SHISA9: variants seen among roughly 807,000 people sequenced by gnomAD.
SHISA9 encodes the protein protein shisa-9.
SHISA9 carries 13 observed loss-of-function variants against 38.0 expected under a neutral mutation model. The ratio of observed to expected loss-of-function variants is 0.34; its 90% CI spans 0.22 to 0.54. The LOEUF is 0.54. Ranked by LOEUF, SHISA9 falls within the 20% of genes least tolerant of loss-of-function variation. The pLI is 0.91. For synonymous variants in SHISA9, 275 were observed against 242.0 expected (o/e 1.14, Z -1.27); for missense variants, 538 against 575.8 (o/e 0.93, Z 0.67).
chr16:13,523,254 G>T, the SHISA9 span, among the ~76,000 whole-genome samples: 1 of 152,168 alleles, frequency 6.6e-6, no homozygotes, highest in African/African-American at 2.4e-5. Context: ...GGAGGCTGAG[G>T]CATGAGAATC....
chr16:13,112,985 A>G (rs1039650682), intron 2 of SHISA9, among the ~76,000 whole-genome samples: 4 of 152,052 alleles, frequency 2.6e-5, no homozygotes, highest in African/African-American at 7.2e-5. Flanking sequence ...CAAGGCAGGC[A>G]GATCACTTGA....
chr16:13,460,475 A>T, the SHISA9 span, among the ~76,000 whole-genome samples: 1 of 152,148 alleles, frequency 6.6e-6, no homozygotes, highest in South Asian at 2.1e-4. Flanking sequence ...GAGTTGACAA[A>T]TGTCCCACAG....
the SHISA9 span, among the ~76,000 whole-genome samples, chr16:13,502,001 CAAA>C: frequency 7.7e-6 from 1 of 129,104 alleles, no homozygotes; most frequent in Non-Finnish European, 1.6e-5. Flanking sequence ...AACTCCGTAT[CAAA>C]AAAAAAAAAA....
At chr16:13,056,973 C>G (rs1339959481) in intron 2 of SHISA9, among the ~76,000 whole-genome samples, 1 of 152,160 alleles carries the variant, frequency 6.6e-6, no homozygotes, top group South Asian at 2.1e-4. Context: ...AACACAGGCT[C>G]TGTGGTATGT....
At chr16:12,992,696 A>G (rs1413838657) in intron 2 of SHISA9, among the ~76,000 whole-genome samples, 3 of 152,186 alleles carry the variant, frequency 2.0e-5, no homozygotes, top group Non-Finnish European at 2.9e-5. Context: ...ATTTTATTAC[A>G]GAGTTTTCTT....
rs79820482 is a variant in SHISA9, at chr16:12,907,552, G to A, written c.563+4925G>A. ...TCCATTATCACACCCAGGAAAAAGAGCAAAAATCCCGTAATATCATCAGAC... is the reference window on the plus strand; with the variant it reads ...TCCATTATCACACCCAGGAAAAAGAACAAAAATCCCGTAATATCATCAGAC... On this transcript the variant is annotated intron_variant, in intron 1 of 4. Coordinates refer to ENST00000558583, the MANE Select transcript of SHISA9 (RefSeq NM_001145204.3). Among the ~76,000 whole-genome samples the A allele has an allele frequency of 9.2e-3, 1,394 of 152,184 alleles. 23 individuals are homozygous for A. The highest frequency in any genetic ancestry group is 0.032 in the African/African-American group (1,319 of 41,522).
chr16:13,252,481 T>C, the SHISA9 span, among the ~76,000 whole-genome samples: 18 of 152,322 alleles, frequency 1.2e-4, no homozygotes, highest in African/African-American at 3.4e-4. Flanking sequence ...TCAGAAGTGC[T>C]GAGGGTGAGA....
the SHISA9 span, among the ~76,000 whole-genome samples, chr16:13,440,384 G>T: frequency 6.6e-6 from 1 of 152,160 alleles, no homozygotes; most frequent in Non-Finnish European, 1.5e-5. Context: ...CATCTATTTG[G>T]TTTGCTGCTG....
chr16:13,444,654 T>C, the SHISA9 span, among the ~76,000 whole-genome samples: 3 of 152,152 alleles, frequency 2.0e-5, no homozygotes, highest in African/African-American at 7.2e-5. Flanking sequence ...GGTCCTCATC[T>C]CTACACCTTT....
chr16:13,562,693 C>T, the SHISA9 span: 2 of 150,968 alleles, frequency 1.3e-5, no homozygotes, highest in African/African-American at 2.4e-5. Context: ...ACGTGTCTTA[C>T]CTTTTTTATC....
At chr16:13,442,742 C>T in the SHISA9 span, among the ~76,000 whole-genome samples, 3 of 152,006 alleles carry the variant, frequency 2.0e-5, no homozygotes, top group African/African-American at 7.3e-5. Context: ...TCACTTGAGC[C>T]CCAGAGTCTG....
chr16:13,396,772 T>A, the SHISA9 span, among the ~76,000 whole-genome samples: 2 of 152,206 alleles, frequency 1.3e-5, no homozygotes, highest in South Asian at 4.1e-4. Flanking sequence ...CTTCTTGATG[T>A]AAACATCAGT....
intron 2 of SHISA9, among the ~76,000 whole-genome samples, chr16:13,150,649 A>G (rs2050491331): frequency 6.6e-6 from 1 of 152,186 alleles, no homozygotes; most frequent in Non-Finnish European, 1.5e-5. Context: ...GAATCAGAAT[A>G]TGAATTTTTA....
the SHISA9 span, among the ~76,000 whole-genome samples, chr16:13,283,192 C>A: frequency 3.9e-5 from 6 of 152,210 alleles, no homozygotes; most frequent in South Asian, 8.3e-4. Flanking sequence ...CTTTGTGCAA[C>A]TTTGGCTTTA....
intron 2 of SHISA9, among the ~76,000 whole-genome samples, chr16:13,148,927 G>A (rs2050473128): frequency 6.6e-6 from 1 of 152,032 alleles, no homozygotes. Context: ...CCATGCTCAA[G>A]CAGCTTCTGG....
chr16:13,027,832 C>G (rs1567187200), intron 2 of SHISA9, among the ~76,000 whole-genome samples: 1 of 144,548 alleles, frequency 6.9e-6, no homozygotes, highest in Non-Finnish European at 1.5e-5. Flanking sequence ...GAGGCTTAGA[C>G]AGTAGAATCA....
intron 2 of SHISA9, among the ~76,000 whole-genome samples, chr16:13,068,991 AAT>A (rs2073470690): frequency 1.3e-5 from 2 of 151,824 alleles, no homozygotes; most frequent in Admixed American, 6.6e-5. Context: ...GTGTACATGC[AAT>A]GTGTGTATGT....
the SHISA9 span, among the ~76,000 whole-genome samples, chr16:13,302,769 GTAATCCCCA>G: frequency 6.6e-6 from 1 of 152,134 alleles, no homozygotes; most frequent in Non-Finnish European, 1.5e-5. Flanking sequence ...CTCCTGAATT[GTAATCCCCA>G]TAATCCCCAT....
chr16:13,076,279 A>G (rs1380894861), intron 2 of SHISA9, among the ~76,000 whole-genome samples: 1 of 152,126 alleles, frequency 6.6e-6, no homozygotes, highest in East Asian at 1.9e-4. Flanking sequence ...GATCTGCCCA[A>G]CTCAGCCTCC....
Sources: gnomAD v4.1 joint callset for allele counts (sites outside exome capture counted in the v4.1 genomes callset) on GRCh38, gnomAD v4.1.1 for gene constraint, MANE v1.5 for transcripts, NCBI Gene and HGNC (gene_info 2026-07-23, HGNC 2026-07-21) for gene names.